HTRA4: variants seen among roughly 807,000 people sequenced by gnomAD.
HTRA4 encodes the protein HtrA serine peptidase 4.
In HTRA4, 46 loss-of-function variants were observed where a neutral mutation model predicts 49.1. The observed-to-expected ratio is 0.94, with a 90% CI of 0.74 to 1.20. The LOEUF (loss-of-function observed/expected upper bound fraction) is 1.20. Ranked by LOEUF, HTRA4 falls within the 50% of genes most tolerant of loss-of-function variation. HTRA4 has a pLI of 0.00. For synonymous variants in HTRA4, 261 were observed against 264.0 expected (o/e 0.99, Z 0.11); for missense variants, 602 against 636.9 (o/e 0.95, Z 0.59).
chr8:38,984,043 C>A (rs1205680634), intron 8 of HTRA4, among the ~76,000 whole-genome samples: 2 of 151,814 alleles, frequency 1.3e-5, no homozygotes, highest in Non-Finnish European at 2.9e-5. Flanking sequence ...ACTCGTTGCC[C>A]AGGCTGCAGT....
chr8:38,987,689 C>T (rs1294973271), intron 8 of HTRA4, among the ~76,000 whole-genome samples: 1 of 152,146 alleles, frequency 6.6e-6, no homozygotes, highest in Non-Finnish European at 1.5e-5. Context: ...GAGGAGTAAA[C>T]TTCTCACATG....
In HTRA4 at chr8:38,988,071, G is replaced by C. The variant is rs754393082; in HGVS notation, c.1404G>C (p.Leu468=). Residue 468 remains leucine (L), a synonymous_variant, in exon 9 of 9, where the codon CTG becomes CTC. Transcript: ENST00000302495. ...TTCGGGGAAAAGATAATTTGCTCCT[G>C]ACAGTCATACCTGAAACAATCAATT... ...AVLRGKDNLL[L]TVIPETIN is the part of the protein sequence containing the mutation. 1 of 1,606,164 alleles carries C rather than the reference G, an allele frequency of 6.2e-7. No individual in the cohort carries two copies. Among genetic ancestry groups the C allele is most frequent in the Admixed American group, 1.7e-5 (1 of 58,530 alleles).
chr8:38,985,425 C>T (rs1238157045), intron 8 of HTRA4, among the ~76,000 whole-genome samples: 1 of 152,194 alleles, frequency 6.6e-6, no homozygotes, highest in Non-Finnish European at 1.5e-5. Flanking sequence ...TCCCAAAGTG[C>T]TGGGATTACA....
In HTRA4 at chr8:38,988,597, T is replaced by A. The variant is rs1021646993; in HGVS notation, c.*499T>A. Reference sequence around the variant, plus strand: ...AACCATCATGGCACACATTTACCTATGAAACAAACCTGCACATCCTGCATA... The same window carrying A: ...AACCATCATGGCACACATTTACCTAAGAAACAAACCTGCACATCCTGCATA... On this transcript the variant is annotated 3_prime_UTR_variant, in exon 9 of 9. Transcript: ENST00000302495. The A allele has an allele frequency of 6.6e-6, 1 of 151,990 alleles. No individual in the cohort carries two copies. Among genetic ancestry groups the A allele is most frequent in the Non-Finnish European group, 1.5e-5 (1 of 68,038 alleles). 9.4% of individuals were successfully genotyped at this position (151,990 alleles called of 1,614,324 possible).
rs1331089341 is a variant in HTRA4 at position 38,981,074 on chromosome 8, T to G, written c.1000-579T>G. Reference sequence around the variant, plus strand: ...AAAAATGAGCTTAAGTTTTTTTTTTTTTTTTTTTTTTTTTTTTTTTTTTGA... The same window carrying G: ...AAAAATGAGCTTAAGTTTTTTTTTTGTTTTTTTTTTTTTTTTTTTTTTTGA... On this transcript the variant is annotated intron_variant, in intron 5 of 8. Coordinates refer to ENST00000302495, the MANE Select transcript of HTRA4 (RefSeq NM_153692.4). 5.0e-4 allele frequency among the ~76,000 whole-genome samples: 51 copies of G among 101,296 alleles called. 2 individuals are homozygous for G. The highest frequency in any genetic ancestry group is 1.9e-3 in the Admixed American group (20 of 10,434). The allele number at this position is 101,296 out of a possible 152,430, so 66.5% of individuals were successfully genotyped here.
intron 4 of HTRA4, 115 bp from the exon 5 acceptor site, chr8:38,979,100 G>A (rs902155765): frequency 4.3e-6 from 4 of 938,504 alleles, no homozygotes; most frequent in Non-Finnish European, 1.8e-6. Context: ...CGGCCTGGGG[G>A]GAATAGGAGC....
In HTRA4 at chr8:38,988,132, A is replaced by G. The variant is rs1835508978; in HGVS notation, c.*34A>G. On this transcript the variant is annotated 3_prime_UTR_variant, in exon 9 of 9. Transcript: ENST00000302495. ...TTTTAAAGTGGGATTATCTAAAAAAAAAAAAACCAGTTATATCACGTGGTT... is the reference window on the plus strand; with the variant it reads ...TTTTAAAGTGGGATTATCTAAAAAAGAAAAAACCAGTTATATCACGTGGTT... 1 of 1,506,212 alleles carries G rather than the reference A, an allele frequency of 6.6e-7. No homozygotes were observed. Among genetic ancestry groups the G allele is most frequent in the South Asian group, 1.3e-5 (1 of 78,288 alleles). The allele number at this position is 1,506,212 out of a possible 1,614,324, so 93.3% of individuals were successfully genotyped here. A position where few individuals can be genotyped will look rare whatever the true frequency, so the allele number is the denominator to read the frequency against.
At position 38,974,336 on chromosome 8, in the gene HTRA4, CCCGTCCTCTGGG is replaced by C; in HGVS notation, c.77_88del (p.Val26_Ala29del). On this transcript the variant is annotated inframe_deletion, in exon 1 of 9. Transcript: ENST00000302495. ...GCCGGGGCTGCTGCTGCTCCTGGTG[CCCGTCCTCTGGG>C]CCGGGGCTGAAAAGCTACATACCCA... 6.2e-7 allele frequency: 1 copy of C among 1,612,366 alleles called. No individual in the cohort carries two copies. The highest frequency in any genetic ancestry group is 8.5e-7 in the Non-Finnish European group (1 of 1,179,670).
chr8:38,987,368 C>G (rs1333469390), intron 8 of HTRA4, among the ~76,000 whole-genome samples: 1 of 149,784 alleles, frequency 6.7e-6, no homozygotes, highest in Non-Finnish European at 1.5e-5. Flanking sequence ...AGAGCCAGAG[C>G]TGGAAATATT....
chr8:38,978,463 G>A (rs746396413), intron 4 of HTRA4, among the ~76,000 whole-genome samples: 5 of 152,156 alleles, frequency 3.3e-5, no homozygotes, highest in South Asian at 2.1e-4. Flanking sequence ...CCACAAAGCC[G>A]GTCCCTGTGC....
chr8:38,977,821 CTTCT>C lies in HTRA4; in HGVS notation c.772-131_772-128del, dbSNP rs1315381532. The C allele has an allele frequency of 2.2e-5, 17 of 781,190 alleles. No homozygotes were observed. In the African/African-American group the frequency reaches 2.8e-4, roughly 13 times the overall value. 48.4% of individuals were successfully genotyped at this position (781,190 alleles called of 1,614,324 possible). Reference sequence around the variant, plus strand: ...ATCATAGAAGCTGTGTGAGTGGGTGCTTCTCAGGTGGTAAGGGCCAAGGTGATAG... The same window carrying C: ...ATCATAGAAGCTGTGTGAGTGGGTGCCAGGTGGTAAGGGCCAAGGTGATAG... On this transcript the variant is annotated intron_variant, in intron 3 of 8. Coordinates refer to ENST00000302495, the MANE Select transcript of HTRA4 (RefSeq NM_153692.4).
In HTRA4 at chr8:38,979,225, C is replaced by T; in HGVS notation, c.977C>T (p.Ser326Phe). Residue 326 changes from serine to phenylalanine, a missense_variant, in exon 5 of 9, where the codon TCT becomes TTT. Physicochemically the swap from Ser to Phe is radical, Grantham distance 155. Transcript: ENST00000302495. The stretch of plus-strand genomic sequence containing the variant: ...AAATTCTGCTTTTAGTATGGGAATT[C>T]TGGTGGTCCTCTGGTGAACTTGGTA... ...QIDATINYGN[S>F]GGPLVNLDGD... is the part of the protein sequence containing the mutation. 6.2e-7 allele frequency: 1 copy of T among 1,613,126 alleles called. No homozygotes were observed. Among genetic ancestry groups the T allele is most frequent in the Non-Finnish European group, 8.5e-7 (1 of 1,179,116 alleles).
chr8:38,983,492 C>T (rs1432047470), intron 8 of HTRA4, among the ~76,000 whole-genome samples: 1 of 151,904 alleles, frequency 6.6e-6, no homozygotes, highest in African/African-American at 2.4e-5. Context: ...CGCCACTGTA[C>T]TCCAGTCTGG....
At chr8:38,982,826 A>C in intron 7 of HTRA4, 127 bp from the exon 8 acceptor site, 1 of 672,822 alleles carries the variant, frequency 1.5e-6, no homozygotes, top group Non-Finnish European at 2.6e-6. Context: ...GACTGTGATT[A>C]GCTTGATGGA....
At position 38,974,560 on chromosome 8, in the gene HTRA4, C is replaced by T. The variant is rs867296515; in HGVS notation, c.297C>T (p.Arg99=). The change falls in exon 1 of 9, where the codon CGC becomes CGT. Residue 99 remains arginine, a synonymous_variant. Coordinates refer to ENST00000302495, the MANE Select transcript of HTRA4 (RefSeq NM_153692.4). ...GGCTGCAGTGCCTCCAGCCGCTGCG[C>T]CCCGGGTTCCCCAGCACCTGCGGTT... ...APGLQCLQPL[R]PGFPSTCGCP... 59 of 1,404,898 alleles carry T rather than the reference C, an allele frequency of 4.2e-5. No homozygotes were observed. The Middle Eastern group carries it at 1.5e-3, about 36-fold the overall frequency. 87.0% of individuals were successfully genotyped at this position (1,404,898 alleles called of 1,614,324 possible). A position where few individuals can be genotyped will look rare whatever the true frequency, so the allele number is the denominator to read the frequency against.
chr8:38,984,696 C>T (rs1178562295), intron 8 of HTRA4, among the ~76,000 whole-genome samples: 3 of 152,084 alleles, frequency 2.0e-5, no homozygotes, highest in African/African-American at 7.2e-5. Flanking sequence ...TTGCAGTGAG[C>T]TGGGATCACG....
At position 38,974,742 on chromosome 8, in the gene HTRA4, G is replaced by GGC. The variant is rs1366232852; in HGVS notation, c.466+20_466+21dup. 1.4e-6 allele frequency: 2 copies of GGC among 1,417,512 alleles called. No homozygotes were observed. Among genetic ancestry groups the GGC allele is most frequent in the Non-Finnish European group, 1.8e-6 (2 of 1,092,674 alleles). The allele number at this position is 1,417,512 out of a possible 1,614,324, so 87.8% of individuals were successfully genotyped here. On this transcript the variant is annotated intron_variant, in intron 1 of 8. Coordinates refer to ENST00000302495, the MANE Select transcript of HTRA4 (RefSeq NM_153692.4). ...TGCGGGGATACAGGTGAGCCGCGGG[G>GGC]GCGCGCGCCCTCGGAACACTTTCTA... is the stretch of plus-strand genomic sequence containing the variant.
Position 38,987,919 on chromosome 8 carries a change from T to A in HTRA4, c.1269-17T>A. On this transcript the variant is annotated splice_polypyrimidine_tract_variant and intron_variant, in intron 8 of 8. Transcript: ENST00000302495. Reference sequence around the variant, plus strand: ...TGTTATAGTTTCATGATCCTCTTTTTTTTCTCCCTCTCTCAGCTCTGGATT... The same window carrying A: ...TGTTATAGTTTCATGATCCTCTTTTATTTCTCCCTCTCTCAGCTCTGGATT... The A allele has an allele frequency of 1.3e-6, 2 of 1,533,980 alleles. No individual in the cohort carries two copies. Among genetic ancestry groups the A allele is most frequent in the Non-Finnish European group, 1.7e-6 (2 of 1,147,436 alleles).
chr8:38,982,684 C>A, intron 7 of HTRA4, 129 bp downstream of exon 7: 1 of 809,474 alleles, frequency 1.2e-6, no homozygotes, highest in Non-Finnish European at 2.1e-6. Flanking sequence ...CCCTATCTGT[C>A]TCAGGGTATG....
Sources: gnomAD v4.1 joint callset for allele counts (sites outside exome capture counted in the v4.1 genomes callset) on GRCh38, gnomAD v4.1.1 for gene constraint, MANE v1.5 for transcripts, NCBI Gene and HGNC (gene_info 2026-07-23, HGNC 2026-07-21) for gene names.